The following RHBDD1 variants were observed in gnomAD, a reference collection of about 807,000 sequenced individuals.
The protein encoded by RHBDD1 is rhomboid domain containing 1.
Under a neutral mutation model 36.3 loss-of-function variants are expected in RHBDD1, and 38 were observed. That is an observed-to-expected ratio of 1.05 (90% CI 0.81 to 1.37). The LOEUF (loss-of-function observed/expected upper bound fraction) is 1.37. Among genes scored for constraint, RHBDD1 ranks in the 40% most tolerant of loss-of-function variants. RHBDD1 has a pLI of 0.00. For missense variants in RHBDD1, 393 were observed against 377.6 expected (o/e 1.04, Z -0.34); for synonymous variants, 151 against 136.5 (o/e 1.11, Z -0.74).
chr2:226,946,867 T>C (rs1270975036), intron 8 of RHBDD1, among the ~76,000 whole-genome samples: 1 of 152,194 alleles, frequency 6.6e-6, no homozygotes, highest in African/African-American at 2.4e-5. Context: ...CAAAAGCTTA[T>C]TCATCACGAT....
In RHBDD1 at chr2:226,930,858, A is replaced by G. The variant is rs139224457; in HGVS notation, c.856+16507A>G. 1.1e-4 allele frequency among the ~76,000 whole-genome samples: 17 copies of G among 152,206 alleles called. No homozygotes were observed. In the East Asian group the frequency reaches 2.9e-3, roughly 26 times the overall value. Reference sequence around the variant, plus strand: ...ATAGACATTCCTCAAAATAATACATACAAATGACCAAGAAACGTATGAAAA... The same window carrying G: ...ATAGACATTCCTCAAAATAATACATGCAAATGACCAAGAAACGTATGAAAA... On this transcript the variant is annotated intron_variant, in intron 8 of 8. Transcript: ENST00000392062.
chr2:226,931,105 T>G (rs971105750), intron 8 of RHBDD1, among the ~76,000 whole-genome samples: 3 of 152,066 alleles, frequency 2.0e-5, no homozygotes, highest in Admixed American at 6.6e-5. Context: ...TAAATGTAGA[T>G]CTTCCATTTG....
chr2:226,819,977 G>GTT, the RHBDD1 span, among the ~76,000 whole-genome samples: 1,044 of 118,230 alleles, frequency 8.8e-3, 8 homozygotes, highest in Non-Finnish European at 0.012. Context: ...TATTGTGTGT[G>GTT]TTTTTTTTTT....
the RHBDD1 span, among the ~76,000 whole-genome samples, chr2:226,806,925 G>A: frequency 4.6e-5 from 7 of 152,316 alleles, no homozygotes; most frequent in African/African-American, 1.7e-4. Flanking sequence ...CTCCTAAGGA[G>A]GAAATTCACA....
chr2:226,908,750 T>C (rs3820928), intron 6 of RHBDD1, 72 bp from the exon 7 acceptor site: 430,029 of 1,019,964 alleles, frequency 0.42, 92,446 homozygotes, highest in South Asian at 0.5. Flanking sequence ...CAGAGAACTT[T>C]CTAATTACTG....
chr2:226,888,358 G>C (rs1223502279), intron 5 of RHBDD1, among the ~76,000 whole-genome samples: 1 of 151,286 alleles, frequency 6.6e-6, no homozygotes, highest in East Asian at 1.9e-4. Flanking sequence ...CAAAAATTCA[G>C]ACTTTAAAAA....
rs908902159 is a variant in RHBDD1 at position 226,914,357 on chromosome 2, A to G, written c.856+6A>G. 3.1e-5 allele frequency: 50 copies of G among 1,610,204 alleles called. No homozygotes were observed. The highest frequency in any genetic ancestry group is 4.2e-5 in the Non-Finnish European group (49 of 1,178,310). On this transcript the variant is annotated splice_donor_region_variant and intron_variant, in intron 8 of 8. Coordinates refer to ENST00000392062, the MANE Select transcript of RHBDD1 (RefSeq NM_001167608.3). ...AGCCAGCCTCTGGGACCGAGGTAGG[A>G]GTCTTGCGCCCTTCAGTTATTTTAA...
At chr2:226,930,166 AT>A (rs1949935080) in intron 8 of RHBDD1, among the ~76,000 whole-genome samples, 1 of 151,892 alleles carries the variant, frequency 6.6e-6, no homozygotes, top group Non-Finnish European at 1.5e-5. Flanking sequence ...TAACCCAAAA[AT>A]TCATATGGAA....
At chr2:226,954,910 G>C (rs1054595235) in intron 8 of RHBDD1, among the ~76,000 whole-genome samples, 2 of 151,992 alleles carry the variant, frequency 1.3e-5, no homozygotes, top group Admixed American at 6.6e-5. Context: ...GTTCATACAC[G>C]TATGGCGGGA....
chr2:226,995,395 G>A (rs772970389), intron 8 of RHBDD1, 36 bp from the exon 9 acceptor site: 15 of 1,369,656 alleles, frequency 1.1e-5, no homozygotes, highest in Middle Eastern at 3.5e-4. Context: ...TGTCACGTCA[G>A]AATGATTGAT....
intron 8 of RHBDD1, among the ~76,000 whole-genome samples, chr2:226,928,100 T>G (rs1220004045): frequency 1.3e-5 from 2 of 152,140 alleles, no homozygotes; most frequent in African/African-American, 2.4e-5. Flanking sequence ...TAGCCCATTT[T>G]GAGTTAGTTT....
chr2:226,910,978 G>A (rs1343818786), intron 7 of RHBDD1, among the ~76,000 whole-genome samples: 2 of 152,112 alleles, frequency 1.3e-5, no homozygotes, highest in African/African-American at 4.8e-5. Context: ...TATTTTGTCT[G>A]ACAAGTACCA....
intron 8 of RHBDD1, among the ~76,000 whole-genome samples, chr2:226,982,228 T>C (rs546241455): frequency 7.2e-4 from 109 of 152,322 alleles, no homozygotes; most frequent in African/African-American, 2.5e-3. Context: ...CTCACTCTAA[T>C]TGCAGGTTTT....
intron 3 of RHBDD1, among the ~76,000 whole-genome samples, chr2:226,841,269 A>T (rs1941604479): frequency 6.6e-6 from 1 of 152,056 alleles, no homozygotes; most frequent in African/African-American, 2.4e-5. Flanking sequence ...AGTAGCTGGG[A>T]CTACAGACAT....
the RHBDD1 span, among the ~76,000 whole-genome samples, chr2:226,829,915 T>C: frequency 6.6e-6 from 1 of 152,238 alleles, no homozygotes; most frequent in Non-Finnish European, 1.5e-5. Flanking sequence ...GTTCTTTTCT[T>C]GTTTCTAATC....
intron 8 of RHBDD1, among the ~76,000 whole-genome samples, chr2:226,957,380 T>C (rs923027771): frequency 6.6e-6 from 1 of 152,084 alleles, no homozygotes; most frequent in Non-Finnish European, 1.5e-5. Context: ...TAAATTGAAC[T>C]TCATCAAAAT....
intron 8 of RHBDD1, among the ~76,000 whole-genome samples, chr2:226,953,162 C>CT (rs894730388): frequency 6.6e-6 from 1 of 152,102 alleles, no homozygotes; most frequent in Non-Finnish European, 1.5e-5. Context: ...ATGATTACTG[C>CT]TTGTGTTCCT....
intron 8 of RHBDD1, among the ~76,000 whole-genome samples, chr2:226,919,867 T>C (rs1401076226): frequency 1.3e-5 from 2 of 152,090 alleles, no homozygotes; most frequent in Non-Finnish European, 2.9e-5. Context: ...AAGAATGTCA[T>C]TGGTATTTTG....
At chr2:226,949,580 G>A (rs1259955470) in intron 8 of RHBDD1, among the ~76,000 whole-genome samples, 2 of 152,094 alleles carry the variant, frequency 1.3e-5, no homozygotes, top group East Asian at 1.9e-4. Flanking sequence ...CTTTCATATT[G>A]TATTGGTAGG....
Sources: gnomAD v4.1 joint callset for allele counts (sites outside exome capture counted in the v4.1 genomes callset) on GRCh38, gnomAD v4.1.1 for gene constraint, MANE v1.5 for transcripts, NCBI Gene and HGNC (gene_info 2026-07-23, HGNC 2026-07-21) for gene names.